The following PPP3CB variants were observed in gnomAD, a reference collection of about 807,000 sequenced individuals.
PPP3CB encodes protein phosphatase 3 catalytic subunit beta, also known as serine/threonine-protein phosphatase 2B catalytic subunit beta isoform.
Under a neutral mutation model 66.4 loss-of-function variants are expected in PPP3CB, and 8 were observed. The observed-to-expected ratio is 0.12, with a 90% CI of 0.07 to 0.22. PPP3CB has a LOEUF of 0.22. Among genes scored for constraint, PPP3CB ranks in the 10% least tolerant of loss-of-function variants. PPP3CB has a pLI of 1.00. For missense variants in PPP3CB, 319 were observed against 642.5 expected (o/e 0.50, Z 5.44); for synonymous variants, 208 against 221.2 (o/e 0.94, Z 0.53).
In PPP3CB at chr10:73,477,542, T is replaced by C. The variant is rs374838887; in HGVS notation, c.411+957A>G. 4.3e-4 allele frequency among the ~76,000 whole-genome samples: 65 copies of C among 152,252 alleles called. No individual in the cohort carries two copies. In the South Asian group the frequency reaches 0.013, roughly 32 times the overall value. ...AGTTACAGACAATATTATAATATGA[T>C]CCCCTTTTCATTAAAAAAAGAAAAA... On this transcript the variant is annotated intron_variant, in intron 3 of 13. Transcript: ENST00000360663.
At chr10:73,457,055 C>T (rs1004602178) in intron 9 of PPP3CB, among the ~76,000 whole-genome samples, 4 of 151,512 alleles carry the variant, frequency 2.6e-5, no homozygotes, top group Non-Finnish European at 2.9e-5. Context: ...AAAGCTGTTA[C>T]GATGTATACC....
At chr10:73,446,252 A>G (rs2056251051) in intron 11 of PPP3CB, among the ~76,000 whole-genome samples, 1 of 151,578 alleles carries the variant, frequency 6.6e-6, no homozygotes, top group Admixed American at 6.6e-5. Flanking sequence ...GGTGCATGCC[A>G]CCACGCCCGG....
chr10:73,495,797 C>T lies in PPP3CB; in HGVS notation c.85+8G>A, dbSNP rs780011966. On this transcript the variant is annotated splice_region_variant and intron_variant, in intron 1 of 13. Coordinates refer to ENST00000360663, the MANE Select transcript of PPP3CB (RefSeq NM_021132.4). ...GGCCAGGCCCCCAGGGTTTCGTCCA[C>T]CTCTCACCTTTGACGACGCGGTCAG... 6.4e-6 allele frequency: 10 copies of T among 1,568,312 alleles called. No homozygotes were observed. The highest frequency in any genetic ancestry group is 6.0e-6 in the Non-Finnish European group (7 of 1,157,248).
At chr10:73,484,534 G>T (rs2056940035) in intron 1 of PPP3CB, among the ~76,000 whole-genome samples, 1 of 150,762 alleles carries the variant, frequency 6.6e-6, no homozygotes, top group Non-Finnish European at 1.5e-5. Context: ...GCCTCCCAAA[G>T]TGCTGGGATT....
intron 1 of PPP3CB, among the ~76,000 whole-genome samples, chr10:73,490,901 C>T (rs965159118): frequency 7.2e-5 from 11 of 151,948 alleles, no homozygotes; most frequent in Non-Finnish European, 1.0e-4. Flanking sequence ...GGCACAATCT[C>T]GGCTCACTGC....
chr10:73,469,421 A>G (rs1292940812), intron 8 of PPP3CB, among the ~76,000 whole-genome samples: 6 of 152,200 alleles, frequency 3.9e-5, no homozygotes, highest in Non-Finnish European at 7.4e-5. Flanking sequence ...GGTGCCTATG[A>G]TCCCAGCTAT....
In PPP3CB at chr10:73,473,849, T is replaced by G. The variant is rs955182322; in HGVS notation, c.523+1070A>C. 2.0e-5 allele frequency among the ~76,000 whole-genome samples: 3 copies of G among 151,770 alleles called. No homozygotes were observed. In the East Asian group the frequency reaches 5.8e-4, roughly 29 times the overall value. Reference sequence around the variant, plus strand: ...CCTGACTAGTCTTAAAACAATGATATTTAAAAAAACAAAAAAATTTTAAGA... The same window carrying G: ...CCTGACTAGTCTTAAAACAATGATAGTTAAAAAAACAAAAAAATTTTAAGA... On this transcript the variant is annotated intron_variant, in intron 4 of 13. Coordinates refer to ENST00000360663, the MANE Select transcript of PPP3CB (RefSeq NM_021132.4).
intron 1 of PPP3CB, among the ~76,000 whole-genome samples, chr10:73,484,193 T>C (rs1196262782): frequency 6.6e-6 from 1 of 152,212 alleles, no homozygotes; most frequent in African/African-American, 2.4e-5. Context: ...CTAAAGCATT[T>C]TAAAGCATTT....
At chr10:73,478,684 A>G (rs373234554) in intron 2 of PPP3CB, 61 bp from the exon 3 acceptor site, 44 of 1,446,590 alleles carry the variant, frequency 3.0e-5, no homozygotes, top group Admixed American at 2.4e-4. Context: ...ATTTTACTTA[A>G]GTTAAAACGT....
At chr10:73,482,634 T>A (rs1323983574) in intron 1 of PPP3CB, among the ~76,000 whole-genome samples, 3 of 151,842 alleles carry the variant, frequency 2.0e-5, no homozygotes, top group South Asian at 2.1e-4. Context: ...TTATTTATTT[T>A]GAGACAGAGT....
intron 10 of PPP3CB, among the ~76,000 whole-genome samples, chr10:73,450,448 C>T (rs187700529): frequency 3.2e-4 from 49 of 152,232 alleles, no homozygotes; most frequent in African/African-American, 9.2e-4. Flanking sequence ...AGTATCTATC[C>T]GAATCTCCTC....
At position 73,483,580 on chromosome 10, in the gene PPP3CB, C is replaced by T. The variant is rs568076188; in HGVS notation, c.86-4063G>A. Among the ~76,000 whole-genome samples the T allele has an allele frequency of 2.6e-3, 399 of 152,106 alleles. 2 individuals are homozygous for T. Among genetic ancestry groups the T allele is most frequent in the African/African-American group, 9.1e-3 (377 of 41,482 alleles). ...GCTGAGGCAGGAGAATCGCTTGAAC[C>T]GAAGAGGTGAAGGTTGCAGTGGGCC... On this transcript the variant is annotated intron_variant, in intron 1 of 13. Transcript: ENST00000360663.
intron 9 of PPP3CB, chr10:73,466,847 A>G (rs1319152755): frequency 6.6e-6 from 1 of 152,190 alleles, no homozygotes; most frequent in African/African-American, 2.4e-5. Flanking sequence ...TTTTCCACAT[A>G]TGGAAACTGA....
intron 1 of PPP3CB, among the ~76,000 whole-genome samples, chr10:73,490,701 T>C (rs1406909218): frequency 6.6e-6 from 1 of 152,180 alleles, no homozygotes; most frequent in Non-Finnish European, 1.5e-5. Flanking sequence ...GCATTTTCCT[T>C]TTAAGGTAAC....
chr10:73,484,070 G>T lies in PPP3CB; in HGVS notation c.86-4553C>A, dbSNP rs1328139859. Among the ~76,000 whole-genome samples, 5 of 152,034 alleles carry T rather than the reference G, an allele frequency of 3.3e-5. No individual in the cohort carries two copies. The East Asian group carries it at 9.7e-4, about 30-fold the overall frequency. The stretch of plus-strand genomic sequence containing the variant: ...GGCACAAGAATCGCTTGAACCTGGT[G>T]GGGTGGAGGTTGTAGTGAGCTGAGA... On this transcript the variant is annotated intron_variant, in intron 1 of 13. Coordinates refer to ENST00000360663, the MANE Select transcript of PPP3CB (RefSeq NM_021132.4).
chr10:73,475,781 C>A (rs543136074), intron 3 of PPP3CB, among the ~76,000 whole-genome samples: 60 of 152,130 alleles, frequency 3.9e-4, no homozygotes, highest in Non-Finnish European at 6.6e-4. Flanking sequence ...TCACATTTTA[C>A]TTATTTGCTT....
chr10:73,462,707 T>C (rs1343529982), intron 9 of PPP3CB, among the ~76,000 whole-genome samples: 10 of 151,910 alleles, frequency 6.6e-5, no homozygotes, highest in Non-Finnish European at 2.9e-5. Flanking sequence ...CCCAGCACTT[T>C]GGGAGGTTGA....
intron 9 of PPP3CB, among the ~76,000 whole-genome samples, chr10:73,466,797 C>T (rs2056623915): frequency 6.6e-6 from 1 of 151,996 alleles, no homozygotes; most frequent in Non-Finnish European, 1.5e-5. Flanking sequence ...GGATACTGAA[C>T]AAAATGTTTT....
chr10:73,456,481 T>C (rs1042249259), intron 9 of PPP3CB, among the ~76,000 whole-genome samples: 2 of 152,192 alleles, frequency 1.3e-5, no homozygotes, highest in Admixed American at 6.5e-5. Flanking sequence ...AAAAGTGATG[T>C]AGTAGTCATT....
Sources: gnomAD v4.1 joint callset for allele counts (sites outside exome capture counted in the v4.1 genomes callset) on GRCh38, gnomAD v4.1.1 for gene constraint, MANE v1.5 for transcripts, NCBI Gene and HGNC (gene_info 2026-07-23, HGNC 2026-07-21) for gene names.